SMOC2: variants seen among roughly 807,000 people sequenced by gnomAD.
The protein encoded by SMOC2 is SPARC related modular calcium binding 2.
Under a neutral mutation model 61.4 loss-of-function variants are expected in SMOC2, and 39 were observed. That is an observed-to-expected ratio of 0.64 (90% CI 0.49 to 0.83). The LOEUF is 0.83. SMOC2 is among the 40% of genes least tolerant of loss of function. The pLI is 0.00. For synonymous variants in SMOC2, 247 were observed against 239.9 expected, an observed-to-expected ratio of 1.03 and a Z score of -0.27; for missense variants, 556 against 592.9, an observed-to-expected ratio of 0.94 and a Z score of 0.65.
At chr6:168,518,481 A>G (rs1488403211) in intron 2 of SMOC2, among the ~76,000 whole-genome samples, 1 of 121,948 alleles carries the variant, frequency 8.2e-6, no homozygotes, top group Non-Finnish European at 1.8e-5. Flanking sequence ...CTGTGAGTGT[A>G]CATATGTGAG....
chr6:168,609,481 G>A (rs1016356554), intron 9 of SMOC2, among the ~76,000 whole-genome samples: 15 of 152,220 alleles, frequency 9.9e-5, no homozygotes, highest in South Asian at 2.1e-4. Context: ...AAACACACCC[G>A]TCCCTGTGCA....
chr6:168,498,413 A>G (rs1782643570), intron 1 of SMOC2, among the ~76,000 whole-genome samples: 1 of 152,238 alleles, frequency 6.6e-6, no homozygotes, highest in South Asian at 2.1e-4. Flanking sequence ...AAGGACAGAG[A>G]GGGAAAGAGT....
At position 168,517,599 on chromosome 6, in the gene SMOC2, C is replaced by T. The variant is rs546559857; in HGVS notation, c.256+7513C>T. Among the ~76,000 whole-genome samples the T allele has an allele frequency of 1.9e-3, 290 of 152,386 alleles. 2 individuals carry two copies. The highest frequency in any genetic ancestry group is 6.6e-3 in the African/African-American group (276 of 41,602). On this transcript the variant is annotated intron_variant, in intron 2 of 12. Transcript: ENST00000356284. ...AAGCCGGAGCCACGGGTGTCTCACA[C>T]TCCAGAGGAACCAGGCCTCCCCGTG...
chr6:168,639,220 AAAG>A (rs1786826840), intron 9 of SMOC2, among the ~76,000 whole-genome samples: 1 of 152,038 alleles, frequency 6.6e-6, no homozygotes, highest in Admixed American at 6.5e-5. Flanking sequence ...GTGTAGATGT[AAAG>A]AAAATCCTTG....
chr6:168,586,266 G>A (rs1360282963), intron 7 of SMOC2, among the ~76,000 whole-genome samples: 3 of 151,850 alleles, frequency 2.0e-5, no homozygotes, highest in East Asian at 3.9e-4. Flanking sequence ...GAATTGTTTT[G>A]GTGCCTCATC....
At chr6:168,616,308 A>C (rs1327994345) in intron 9 of SMOC2, among the ~76,000 whole-genome samples, 1 of 152,252 alleles carries the variant, frequency 6.6e-6, no homozygotes, top group African/African-American at 2.4e-5. Flanking sequence ...CTCTGTGTCC[A>C]TACAGGCTCA....
At chr6:168,555,667 C>T (rs1307943620) in intron 7 of SMOC2, among the ~76,000 whole-genome samples, 2 of 152,218 alleles carry the variant, frequency 1.3e-5, no homozygotes, top group Non-Finnish European at 2.9e-5. Context: ...GGATCTGTAG[C>T]TCAGGCCAAA....
At chr6:168,506,432 T>G (rs1057470979) in intron 1 of SMOC2, among the ~76,000 whole-genome samples, 1 of 152,258 alleles carries the variant, frequency 6.6e-6, no homozygotes. Flanking sequence ...AGAGACGTAT[T>G]TAATCAATAT....
At chr6:168,540,990 C>A (rs17551813) in intron 4 of SMOC2, among the ~76,000 whole-genome samples, 1 of 152,150 alleles carries the variant, frequency 6.6e-6, no homozygotes, top group Non-Finnish European at 1.5e-5. Context: ...AGCATAACAC[C>A]GTTCCCTCCA....
At chr6:168,664,052 T>G (rs1787588899) in intron 11 of SMOC2, 22 bp from the exon 12 acceptor site, 2 of 1,589,560 alleles carry the variant, frequency 1.3e-6, no homozygotes, top group Admixed American at 3.4e-5. Context: ...TTTTTAATAA[T>G]ATCTTTTTTT....
chr6:168,515,260 G>T (rs1783101857), intron 2 of SMOC2, among the ~76,000 whole-genome samples: 2 of 152,154 alleles, frequency 1.3e-5, no homozygotes, highest in South Asian at 2.1e-4. Flanking sequence ...GGATTCTGTT[G>T]GAAAGAACGC....
intron 1 of SMOC2, among the ~76,000 whole-genome samples, chr6:168,498,833 C>T (rs2749242): frequency 3.6e-5 from 3 of 84,208 alleles, no homozygotes; most frequent in East Asian, 4.0e-4. Flanking sequence ...CATAGCCTGT[C>T]TACTACACAT....
chr6:168,460,936 C>A (rs1001665543), intron 1 of SMOC2, among the ~76,000 whole-genome samples: 1 of 152,186 alleles, frequency 6.6e-6, no homozygotes, highest in African/African-American at 2.4e-5. Flanking sequence ...TACAGGAAAT[C>A]CTTGGACCTC....
intron 7 of SMOC2, among the ~76,000 whole-genome samples, chr6:168,563,214 T>G (rs73789108): frequency 0.017 from 2,532 of 152,338 alleles, 65 homozygotes; most frequent in African/African-American, 0.057. Context: ...ACTTTTCATT[T>G]TATGGCATTC....
intron 7 of SMOC2, among the ~76,000 whole-genome samples, chr6:168,571,110 A>G (rs1784655281): frequency 6.6e-6 from 1 of 152,220 alleles, no homozygotes; most frequent in Admixed American, 6.5e-5. Context: ...ACCCCCGAGC[A>G]TGGACCGCTG....
intron 8 of SMOC2, among the ~76,000 whole-genome samples, chr6:168,606,021 A>T (rs1785677372): frequency 6.6e-6 from 1 of 152,150 alleles, no homozygotes; most frequent in Non-Finnish European, 1.5e-5. Context: ...TGAGACACTG[A>T]CCCGGAGCTT....
chr6:168,647,454 G>A (rs1388835103), intron 9 of SMOC2, among the ~76,000 whole-genome samples: 4 of 152,220 alleles, frequency 2.6e-5, no homozygotes, highest in African/African-American at 9.6e-5. Context: ...GGCCAGAGGA[G>A]TTACAGCAAG....
At chr6:168,464,357 G>A (rs973612400) in intron 1 of SMOC2, among the ~76,000 whole-genome samples, 2 of 152,122 alleles carry the variant, frequency 1.3e-5, no homozygotes, top group African/African-American at 4.8e-5. Flanking sequence ...CTGGAGACTG[G>A]CTTTTGGATG....
At chr6:168,589,093 A>AG (rs1405037804) in intron 7 of SMOC2, among the ~76,000 whole-genome samples, 78 of 152,002 alleles carry the variant, frequency 5.1e-4, no homozygotes, top group African/African-American at 1.8e-3. Flanking sequence ...AAAAAAAAAA[A>AG]AAAGGAGTAA....
Sources: gnomAD v4.1 joint callset for allele counts (sites outside exome capture counted in the v4.1 genomes callset) on GRCh38, gnomAD v4.1.1 for gene constraint, MANE v1.5 for transcripts, NCBI Gene and HGNC (gene_info 2026-07-23, HGNC 2026-07-21) for gene names.